TTC7A: variants seen among roughly 807,000 people sequenced by gnomAD.
TTC7A encodes the protein tetratricopeptide repeat protein 7A.
A neutral mutation model predicts 103.7 loss-of-function variants in TTC7A; 110 were observed. The observed-to-expected ratio is 1.06, with a 90% confidence interval of 0.91 to 1.24. The LOEUF (loss-of-function observed/expected upper bound fraction) is 1.24. Among genes scored for constraint, TTC7A ranks in the 50% most tolerant of loss-of-function variants. TTC7A has a pLI of 0.00. For synonymous variants in TTC7A, 521 were observed against 467.9 expected, an observed-to-expected ratio of 1.11 and a Z score of -1.47; for missense variants, 1,340 against 1,116.3, an observed-to-expected ratio of 1.20 and a Z score of -2.86.
At chr2:47,052,294 C>T (rs1682927113) in intron 18 of TTC7A, among the ~76,000 whole-genome samples, 1 of 152,204 alleles carries the variant, frequency 6.6e-6, no homozygotes, top group Non-Finnish European at 1.5e-5. Flanking sequence ...GACAGTCCCT[C>T]TTGGTAACTA....
At chr2:46,959,642 C>A (rs1216620276) in intron 3 of TTC7A, among the ~76,000 whole-genome samples, 1 of 152,230 alleles carries the variant, frequency 6.6e-6, no homozygotes, top group Non-Finnish European at 1.5e-5. Context: ...CCCTCACCCT[C>A]TTTCCCCATC....
chr2:47,053,699 G>GTAGC (rs1683090062), intron 18 of TTC7A, among the ~76,000 whole-genome samples: 2 of 152,154 alleles, frequency 1.3e-5, no homozygotes, highest in African/African-American at 4.8e-5. Context: ...AGCCTCCTGA[G>GTAGC]TAGCTGGGAC....
intron 3 of TTC7A, among the ~76,000 whole-genome samples, chr2:46,971,783 G>T (rs746910523): frequency 2.6e-5 from 4 of 152,148 alleles, no homozygotes; most frequent in Non-Finnish European, 4.4e-5. Context: ...TTCATCTTGA[G>T]CCTCTACTTA....
chr2:46,928,240 G>C (rs544590899), intron 2 of TTC7A, among the ~76,000 whole-genome samples: 44 of 151,870 alleles, frequency 2.9e-4, no homozygotes, highest in African/African-American at 9.9e-4. Context: ...CAGTTTTGCA[G>C]CTTAAAATAA....
At position 46,941,598 on chromosome 2, in the gene TTC7A, C is replaced by T; in HGVS notation, c.57C>T (p.Arg19=). ...SYLKVESELE[R]CRAEGHWDRM... is the part of the protein sequence containing the mutation. The stretch of plus-strand genomic sequence containing the variant: ...TGAAGGTGGAGAGCGAGCTGGAGCG[C>T]TGCCGCGCCGAGGGCCACTGGGACC... The change falls in exon 1 of 20, where the codon CGC becomes CGT. Residue 19 remains arginine, a synonymous_variant. Coordinates refer to ENST00000319190, the MANE Select transcript of TTC7A (RefSeq NM_020458.4). The surrounding 1 kb of genome is among the most constrained non-coding windows in gnomAD (Gnocchi z 4.2). The T allele has an allele frequency of 6.4e-7, 1 of 1,557,186 alleles. No individual in the cohort carries two copies. The highest frequency in any genetic ancestry group is 1.2e-5 in the South Asian group (1 of 84,466).
intron 8 of TTC7A, among the ~76,000 whole-genome samples, chr2:46,996,808 C>A (rs7558196): frequency 0.32 from 48,939 of 152,022 alleles, 9,029 homozygotes; most frequent in East Asian, 0.69. Flanking sequence ...TTAAAATGGG[C>A]CCTTACTCTG....
chr2:47,034,005 T>G (rs1680845435), intron 15 of TTC7A: 1 of 152,218 alleles, frequency 6.6e-6, no homozygotes, highest in South Asian at 2.1e-4. Context: ...GTGGAACTTT[T>G]GAAAAGCCTT....
chr2:46,940,373 A>G (rs1030691523), upstream of TTC7A, among the ~76,000 whole-genome samples: 1 of 152,108 alleles, frequency 6.6e-6, no homozygotes, highest in African/African-American at 2.4e-5. This position sits in a 1 kb window ranked among gnomAD's most constrained non-coding sequence, Gnocchi z 4.7. Flanking sequence ...CTTCTCCAGC[A>G]CTGGTCTGTG....
At chr2:47,006,094 G>C (rs1460030576) in intron 9 of TTC7A, 35 bp downstream of exon 9, 1 of 1,604,006 alleles carries the variant, frequency 6.2e-7, no homozygotes, top group South Asian at 1.1e-5. Flanking sequence ...CCACTCTCCG[G>C]AGTCAGGTGG....
At chr2:47,008,445 C>G (rs1677661248) in intron 10 of TTC7A, among the ~76,000 whole-genome samples, 3 of 152,230 alleles carry the variant, frequency 2.0e-5, no homozygotes, top group African/African-American at 7.2e-5. Context: ...CCAGACACAG[C>G]CTGGCACCAT....
intron 3 of TTC7A, among the ~76,000 whole-genome samples, chr2:46,968,714 G>A (rs1207752452): frequency 6.6e-6 from 1 of 151,970 alleles, no homozygotes; most frequent in African/African-American, 2.4e-5. Context: ...AATCATGACA[G>A]CTCCCTTCAA....
intron 14 of TTC7A, 92 bp downstream of exon 14, chr2:47,024,451 G>A (rs1167530518): frequency 8.4e-7 from 1 of 1,193,958 alleles, no homozygotes; most frequent in Non-Finnish European, 1.2e-6. Context: ...CCCTCTGCAA[G>A]TGACTTTGCC....
At chr2:47,035,396 T>G (rs1055301127) in intron 15 of TTC7A, 6 of 152,228 alleles carry the variant, frequency 3.9e-5, no homozygotes, top group Non-Finnish European at 7.3e-5. Flanking sequence ...AGGGAAGTGT[T>G]AAGCCAGTCA....
intron 15 of TTC7A, among the ~76,000 whole-genome samples, chr2:47,031,460 A>G (rs1680533731): frequency 6.6e-6 from 1 of 152,096 alleles, no homozygotes. Context: ...CACTTCAGTT[A>G]GGCTTCATCG....
chr2:47,060,671 C>T (rs1162202506), intron 18 of TTC7A, 98 bp from the exon 19 acceptor site: 10 of 1,177,832 alleles, frequency 8.5e-6, no homozygotes, highest in Non-Finnish European at 1.2e-5. Context: ...AGTTTGTCAC[C>T]TAAGACTAGT....
chr2:47,063,320 A>G (rs1370396172), intron 19 of TTC7A, among the ~76,000 whole-genome samples: 1 of 152,240 alleles, frequency 6.6e-6, no homozygotes, highest in Non-Finnish European at 1.5e-5. Context: ...GTGCAGTGCA[A>G]TCCCAGAGAC....
At chr2:46,965,461 G>T (rs1488815245) in intron 3 of TTC7A, among the ~76,000 whole-genome samples, 1 of 152,172 alleles carries the variant, frequency 6.6e-6, no homozygotes, top group African/African-American at 2.4e-5. Context: ...GGAGGAGCAG[G>T]CTGCTAGGGG....
chr2:47,020,657 G>A (rs1421399982), intron 11 of TTC7A, among the ~76,000 whole-genome samples: 1 of 152,258 alleles, frequency 6.6e-6, no homozygotes, highest in Admixed American at 6.5e-5. Context: ...CTCCCTCCAG[G>A]CCATCATGCA....
chr2:47,010,040 T>C (rs781665071), intron 10 of TTC7A, among the ~76,000 whole-genome samples: 10 of 152,152 alleles, frequency 6.6e-5, no homozygotes, highest in Admixed American at 2.6e-4. Context: ...ATTCATAGGC[T>C]GTGTGGCTTT....
Sources: allele counts gnomAD v4.1 joint callset (sites outside exome capture counted in the v4.1 genomes callset), GRCh38; gene constraint gnomAD v4.1.1; non-coding constraint Gnocchi (gnomAD v3.1); transcripts MANE v1.5; gene names NCBI Gene and HGNC (gene_info 2026-07-23, HGNC 2026-07-21).